Variants in CPNE8 observed in about 807,000 individuals in gnomAD.
The protein encoded by CPNE8 is copine-8.
Under a neutral mutation model 81.5 loss-of-function variants are expected in CPNE8, and 45 were observed. The observed-to-expected ratio is 0.55, with a 90% CI of 0.44 to 0.71. The LOEUF (loss-of-function observed/expected upper bound fraction) is 0.71, where lower values mean the gene tolerates loss of function less well. Among genes scored for constraint, CPNE8 ranks in the 30% least tolerant of loss-of-function variants. CPNE8 has a pLI of 0.00. For missense variants in CPNE8, 594 were observed against 672.1 expected (o/e 0.88, Z 1.28); for synonymous variants, 252 against 226.3 (o/e 1.11, Z -1.02).
intron 1 of CPNE8, among the ~76,000 whole-genome samples, chr12:38,875,845 C>T (rs1944058279): frequency 6.6e-6 from 1 of 152,172 alleles, no homozygotes; most frequent in Non-Finnish European, 1.5e-5. Context: ...GAGCAGACAC[C>T]ATGACTCCAG....
intron 6 of CPNE8, among the ~76,000 whole-genome samples, chr12:38,796,911 G>C (rs1221026187): frequency 6.6e-6 from 1 of 152,140 alleles, no homozygotes; most frequent in East Asian, 1.9e-4. Flanking sequence ...ACATGGCTCA[G>C]AGGGTCCTAC....
At chr12:38,836,923 T>C (rs980023044) in intron 5 of CPNE8, among the ~76,000 whole-genome samples, 3 of 152,188 alleles carry the variant, frequency 2.0e-5, no homozygotes, top group Non-Finnish European at 2.9e-5. Flanking sequence ...ACAGTTCTTA[T>C]AACAATTCAA....
chr12:38,688,943 C>A (rs12579377), intron 15 of CPNE8, among the ~76,000 whole-genome samples: 1 of 151,868 alleles, frequency 6.6e-6, no homozygotes, highest in African/African-American at 2.4e-5. Context: ...ACCTGTTCCC[C>A]CAAAACTAGT....
At chr12:38,703,107 A>G (rs916207710) in intron 13 of CPNE8, among the ~76,000 whole-genome samples, 186 bp from the exon 14 acceptor site, 1 of 152,196 alleles carries the variant, frequency 6.6e-6, no homozygotes, top group African/African-American at 2.4e-5. Context: ...TGGCAAAAAT[A>G]TATTTATAGT....
chr12:38,902,411 GAAAGAA>G (rs1456551105), intron 1 of CPNE8, among the ~76,000 whole-genome samples: 9 of 137,770 alleles, frequency 6.5e-5, no homozygotes, highest in East Asian at 6.1e-4. Flanking sequence ...AAGAAAGAAA[GAAAGAA>G]AAAGAAAGAA....
At position 38,691,967 on chromosome 12, in the gene CPNE8, T is replaced by C. The variant is rs145015319; in HGVS notation, c.1143+1690A>G. Among the ~76,000 whole-genome samples the C allele has an allele frequency of 1.8e-4, 27 of 152,196 alleles. No homozygotes were observed. The East Asian group carries it at 5.2e-3, about 29-fold the overall frequency. ...AGGACAGACTGAAACCACAGCAATATCTAACCTATATGTGTTTTAATTGGG... is the reference window on the plus strand; with the variant it reads ...AGGACAGACTGAAACCACAGCAATACCTAACCTATATGTGTTTTAATTGGG... On this transcript the variant is annotated intron_variant, in intron 15 of 19. Transcript: ENST00000331366.
At chr12:38,662,295 G>T (rs1938976270) in intron 19 of CPNE8, among the ~76,000 whole-genome samples, 1 of 152,052 alleles carries the variant, frequency 6.6e-6, no homozygotes, top group Non-Finnish European at 1.5e-5. Context: ...ACTAATAAGT[G>T]AATTCAGAAA....
At chr12:38,819,691 C>T (rs140178832) in intron 6 of CPNE8, among the ~76,000 whole-genome samples, 1,872 of 142,026 alleles carry the variant, frequency 0.013, 46 homozygotes, top group African/African-American at 0.044. Context: ...GGTGTGAACC[C>T]GGGAGGCGGA....
intron 17 of CPNE8, 46 bp from the exon 18 acceptor site, chr12:38,675,820 C>T: frequency 8.0e-7 from 1 of 1,257,812 alleles, no homozygotes; most frequent in Non-Finnish European, 1.2e-6. Flanking sequence ...AAATTGAGTT[C>T]TTAAGAAAAT....
At chr12:38,794,552 C>T (rs1942408635) in intron 6 of CPNE8, among the ~76,000 whole-genome samples, 1 of 151,872 alleles carries the variant, frequency 6.6e-6, no homozygotes, top group South Asian at 2.1e-4. Context: ...ATAAAAAGAT[C>T]TTCAACATGA....
At chr12:38,747,893 T>C (rs763023688) in intron 10 of CPNE8, among the ~76,000 whole-genome samples, 2 of 152,186 alleles carry the variant, frequency 1.3e-5, no homozygotes, top group Non-Finnish European at 2.9e-5. Flanking sequence ...TAATTTACAT[T>C]TCTATTAGAC....
At chr12:38,691,818 G>A (rs1312545522) in intron 15 of CPNE8, among the ~76,000 whole-genome samples, 1 of 152,170 alleles carries the variant, frequency 6.6e-6, no homozygotes, top group African/African-American at 2.4e-5. Context: ...AAGGCAGGGC[G>A]AGCTGAGTAA....
chr12:38,669,372 T>A (rs745785351), intron 19 of CPNE8, among the ~76,000 whole-genome samples: 4 of 152,182 alleles, frequency 2.6e-5, no homozygotes, highest in Admixed American at 2.0e-4. Context: ...TCAAATTATT[T>A]CAAGTATTAT....
chr12:38,887,969 C>T (rs138647735), intron 1 of CPNE8, among the ~76,000 whole-genome samples: 1 of 152,344 alleles, frequency 6.6e-6, no homozygotes, highest in Non-Finnish European at 1.5e-5. Context: ...ATATTTTACA[C>T]AATTAGCTAG....
chr12:38,796,485 A>G (rs1942476701), intron 6 of CPNE8, among the ~76,000 whole-genome samples: 1 of 152,244 alleles, frequency 6.6e-6, no homozygotes, highest in African/African-American at 2.4e-5. Flanking sequence ...AAAATAGAAG[A>G]AAAAGTCATA....
intron 1 of CPNE8, among the ~76,000 whole-genome samples, chr12:38,883,484 T>TAA (rs1944193320): frequency 6.6e-6 from 1 of 152,146 alleles, no homozygotes; most frequent in Non-Finnish European, 1.5e-5. Context: ...AATTAACAAA[T>TAA]AAAAGCTTTT....
chr12:38,878,205 T>C (rs897456390), intron 1 of CPNE8, among the ~76,000 whole-genome samples: 2 of 152,194 alleles, frequency 1.3e-5, no homozygotes, highest in Admixed American at 6.5e-5. Flanking sequence ...GAGTAGCTGT[T>C]CTTTTGTTCC....
intron 3 of CPNE8, among the ~76,000 whole-genome samples, chr12:38,853,501 T>C (rs895779837): frequency 1.3e-5 from 2 of 152,160 alleles, no homozygotes; most frequent in Non-Finnish European, 2.9e-5. Context: ...TGATACAGTA[T>C]TAAGTTTTCA....
At chr12:38,769,390 G>A (rs1175921980) in intron 7 of CPNE8, among the ~76,000 whole-genome samples, 1 of 151,992 alleles carries the variant, frequency 6.6e-6, no homozygotes, top group Non-Finnish European at 1.5e-5. Flanking sequence ...TAAATTAGAG[G>A]TTTAAAGATC....
Sources: allele counts gnomAD v4.1 joint callset (sites outside exome capture counted in the v4.1 genomes callset), GRCh38; gene constraint gnomAD v4.1.1; transcripts MANE v1.5; gene names NCBI Gene and HGNC (gene_info 2026-07-23, HGNC 2026-07-21).